The following PCMTD1 variants were observed in gnomAD, a reference collection of about 807,000 sequenced individuals.
The protein encoded by PCMTD1 is protein-L-isoaspartate O-methyltransferase domain-containing protein 1.
PCMTD1 carries 12 observed loss-of-function variants against 37.6 expected under a neutral mutation model. That is an observed-to-expected ratio of 0.32 (90% CI 0.20 to 0.52). The LOEUF (loss-of-function observed/expected upper bound fraction) is 0.52, where lower values mean the gene tolerates loss of function less well. Ranked by LOEUF, PCMTD1 falls within the 20% of genes least tolerant of loss-of-function variation. The pLI is 0.97. For missense variants in PCMTD1, 235 were observed against 421.3 expected (o/e 0.56, Z 3.87); for synonymous variants, 117 against 135.8 (o/e 0.86, Z 0.96).
chr8:51,888,038 C>T (rs1171201895), intron 1 of PCMTD1, among the ~76,000 whole-genome samples: 1 of 152,112 alleles, frequency 6.6e-6, no homozygotes, highest in African/African-American at 2.4e-5. Flanking sequence ...CCACCGTGCC[C>T]GGCCAAGTTT....
At chr8:51,889,136 T>C (rs1265456842) in intron 1 of PCMTD1, among the ~76,000 whole-genome samples, 3 of 152,300 alleles carry the variant, frequency 2.0e-5, no homozygotes, top group African/African-American at 4.8e-5. Flanking sequence ...GCCTACAATA[T>C]TGGTAAGAGA....
chr8:51,832,921 C>T (rs546554903), intron 4 of PCMTD1, among the ~76,000 whole-genome samples: 2 of 152,344 alleles, frequency 1.3e-5, no homozygotes, highest in East Asian at 3.9e-4. Flanking sequence ...TCATGGCACA[C>T]TGCAGCCTCA....
chr8:51,864,331 G>A (rs1005831059), intron 1 of PCMTD1, among the ~76,000 whole-genome samples: 13 of 152,116 alleles, frequency 8.5e-5, no homozygotes, highest in African/African-American at 2.7e-4. Context: ...CAAACTCCAC[G>A]TTCAACAATG....
intron 1 of PCMTD1, among the ~76,000 whole-genome samples, chr8:51,893,156 C>T (rs1585864058): frequency 6.6e-6 from 1 of 152,082 alleles, no homozygotes; most frequent in East Asian, 1.9e-4. Context: ...TTTTAACATT[C>T]CAAAAAGAAA....
At chr8:51,850,995 C>T (rs527814965) in intron 2 of PCMTD1, among the ~76,000 whole-genome samples, 16 of 152,188 alleles carry the variant, frequency 1.1e-4, no homozygotes, top group South Asian at 6.2e-4. Flanking sequence ...GGAAAGCAAT[C>T]GGCGAAAGGC....
chr8:51,853,797 G>A (rs2038343177), intron 2 of PCMTD1, among the ~76,000 whole-genome samples: 1 of 152,108 alleles, frequency 6.6e-6, no homozygotes, highest in Non-Finnish European at 1.5e-5. Context: ...CTGGGAGCTT[G>A]TGACATGCCT....
intron 2 of PCMTD1, among the ~76,000 whole-genome samples, chr8:51,852,036 T>C (rs80042160): frequency 0.057 from 8,726 of 152,248 alleles, 280 homozygotes; most frequent in African/African-American, 0.091. Context: ...GTGAAGTACT[T>C]GAAGACACTT....
In PCMTD1 at chr8:51,840,311, GAAGCCATGAA is replaced by G. The variant is rs145742244; in HGVS notation, c.410+5340_410+5349del. Among the ~76,000 whole-genome samples, 685 of 152,180 alleles carry G rather than the reference GAAGCCATGAA, an allele frequency of 4.5e-3. 5 individuals are homozygous for G. The highest frequency in any genetic ancestry group is 0.016 in the African/African-American group (651 of 41,534). ...AATTTCTTCTCCTAAAAATGTGTTT[GAAGCCATGAA>G]ATTTTTCCCCATGCCATTTCTAACA... On this transcript the variant is annotated intron_variant, in intron 3 of 5. Transcript: ENST00000522514.
chr8:51,875,450 T>C (rs565080081), intron 1 of PCMTD1, among the ~76,000 whole-genome samples: 90 of 152,330 alleles, frequency 5.9e-4, no homozygotes, highest in African/African-American at 2.0e-3. Flanking sequence ...CACAATTCAA[T>C]AGGATTTATA....
chr8:51,831,212 C>T (rs1237023903), intron 5 of PCMTD1, among the ~76,000 whole-genome samples: 2 of 151,730 alleles, frequency 1.3e-5, no homozygotes, highest in East Asian at 3.9e-4. Flanking sequence ...GCACAAGAAT[C>T]GCTTGAACCC....
intron 1 of PCMTD1, among the ~76,000 whole-genome samples, chr8:51,880,839 G>A (rs571193038): frequency 6.6e-6 from 1 of 152,268 alleles, no homozygotes; most frequent in East Asian, 1.9e-4. Context: ...CTGTTGTAAG[G>A]CAAAAGTAGC....
intron 1 of PCMTD1, among the ~76,000 whole-genome samples, chr8:51,866,584 G>C (rs780096686): frequency 6.6e-6 from 1 of 151,742 alleles, no homozygotes; most frequent in Non-Finnish European, 1.5e-5. Flanking sequence ...ACAAGCAGAA[G>C]AATGAAATTG....
intron 2 of PCMTD1, among the ~76,000 whole-genome samples, chr8:51,856,845 A>C (rs1472949706): frequency 6.6e-6 from 1 of 152,220 alleles, no homozygotes; most frequent in Non-Finnish European, 1.5e-5. Flanking sequence ...GTTGTCAGGG[A>C]CTGGCTGAGT....
chr8:51,856,573 A>C (rs1175253812), intron 2 of PCMTD1, among the ~76,000 whole-genome samples: 1 of 152,234 alleles, frequency 6.6e-6, no homozygotes, highest in East Asian at 1.9e-4. Context: ...TAATGGCATT[A>C]TGCATTTGGT....
chr8:51,881,845 T>C (rs565230247), intron 1 of PCMTD1, among the ~76,000 whole-genome samples: 2 of 152,300 alleles, frequency 1.3e-5, no homozygotes, highest in Admixed American at 6.5e-5. Flanking sequence ...GAGCCCTGAA[T>C]ACTATTTCAG....
At chr8:51,890,764 A>G (rs959984467) in intron 1 of PCMTD1, among the ~76,000 whole-genome samples, 2 of 152,220 alleles carry the variant, frequency 1.3e-5, no homozygotes, top group Non-Finnish European at 2.9e-5. Flanking sequence ...AAATCCCCTA[A>G]TAACATTAAG....
At chr8:51,895,778 G>C (rs188117316) in intron 1 of PCMTD1, among the ~76,000 whole-genome samples, 39 of 152,206 alleles carry the variant, frequency 2.6e-4, no homozygotes, top group Non-Finnish European at 4.1e-4. Flanking sequence ...TACGTTGACC[G>C]AGAGATAATC....
intron 5 of PCMTD1, among the ~76,000 whole-genome samples, chr8:51,826,515 T>G (rs1365857123): frequency 1.3e-5 from 2 of 152,102 alleles, no homozygotes; most frequent in Non-Finnish European, 2.9e-5. Flanking sequence ...GAACTTAAAA[T>G]ATAATAAAAA....
chr8:51,848,304 G>A (rs1251308736), intron 2 of PCMTD1, among the ~76,000 whole-genome samples: 2 of 148,264 alleles, frequency 1.3e-5, no homozygotes, highest in African/African-American at 5.0e-5. Flanking sequence ...AAAAAAAAGA[G>A]AAGAGAGAGA....
Sources: allele counts gnomAD v4.1 joint callset (sites outside exome capture counted in the v4.1 genomes callset), GRCh38; gene constraint gnomAD v4.1.1; transcripts MANE v1.5; gene names NCBI Gene and HGNC (gene_info 2026-07-23, HGNC 2026-07-21).